ERI1: variants seen among roughly 807,000 people sequenced by gnomAD.
ERI1 encodes the protein exoribonuclease 1.
A neutral mutation model predicts 39.7 loss-of-function variants in ERI1; 39 were observed. That is an observed-to-expected ratio of 0.98 (90% CI 0.76 to 1.28). The LOEUF is 1.28. Ranked by LOEUF, ERI1 falls within the 50% of genes most tolerant of loss-of-function variation. The pLI is 0.00. For missense variants in ERI1, 581 were observed against 416.9 expected, an observed-to-expected ratio of 1.39 and a Z score of -3.43; for synonymous variants, 204 against 149.6, an observed-to-expected ratio of 1.36 and a Z score of -2.65.
chr8:9,010,839 A>ATAT (rs1315872673), intron 2 of ERI1, among the ~76,000 whole-genome samples: 2 of 152,194 alleles, frequency 1.3e-5, no homozygotes, highest in African/African-American at 4.8e-5. Flanking sequence ...TGTGGAATGT[A>ATAT]TATTTTAAAG....
intron 3 of ERI1, among the ~76,000 whole-genome samples, chr8:9,012,984 C>G (rs1007399075): frequency 7.2e-5 from 11 of 151,928 alleles, no homozygotes; most frequent in African/African-American, 2.7e-4. Flanking sequence ...TCATCTTTGA[C>G]CTTTACCCTA....
chr8:9,006,763 C>A (rs901817954), intron 1 of ERI1, among the ~76,000 whole-genome samples: 7 of 152,106 alleles, frequency 4.6e-5, no homozygotes, highest in African/African-American at 1.2e-4. Context: ...AACTGCTGAC[C>A]TCTTCCTCAA....
At position 9,020,422 on chromosome 8, in the gene ERI1, A is replaced by C. The variant is rs749777490; in HGVS notation, c.765A>C (p.Lys255Asn). 1.9e-5 allele frequency: 30 copies of C among 1,607,858 alleles called. No homozygotes were observed. The highest frequency in any genetic ancestry group is 1.9e-5 in the Non-Finnish European group (22 of 1,177,580). ...GGCTCAAATACCCTCCTTTTGCGAA[A>C]AAGTGGATCAATATTCGGAAGTCAT... The part of the protein sequence containing the change: ...LSRLKYPPFA[K>N]KWINIRKSYG... The change falls in exon 6 of 7, where the codon AAA becomes AAC. Residue 255 changes from lysine to asparagine, a missense_variant. Physicochemically the swap from Lys to Asn is moderately conservative, Grantham distance 94. Transcript: ENST00000250263.
At chr8:9,071,094 GA>G (rs1334516919) in intron 3 of ERI1, among the ~76,000 whole-genome samples, 1 of 152,168 alleles carries the variant, frequency 6.6e-6, no homozygotes, top group Non-Finnish European at 1.5e-5. Flanking sequence ...GGCCTGTTTG[GA>G]AAGAGAACTG....
chr8:9,085,126 T>G (rs983142653), intron 3 of ERI1, among the ~76,000 whole-genome samples: 1 of 152,188 alleles, frequency 6.6e-6, no homozygotes, highest in Non-Finnish European at 1.5e-5. Flanking sequence ...CCCTAGGTGA[T>G]TTACATCAGC....
intron 3 of ERI1, among the ~76,000 whole-genome samples, chr8:9,050,478 G>C (rs1400409321): frequency 6.8e-6 from 1 of 147,388 alleles, no homozygotes; most frequent in East Asian, 2.0e-4. Flanking sequence ...TTACACTCCA[G>C]CCTGGGCAAC....
chr8:9,087,993 A>T (rs929720580), intron 3 of ERI1, among the ~76,000 whole-genome samples: 1 of 152,206 alleles, frequency 6.6e-6, no homozygotes, highest in Non-Finnish European at 1.5e-5. Context: ...TGGCAGATTT[A>T]AAAAGAATGG....
chr8:9,066,075 C>T (rs1900102), intron 3 of ERI1, among the ~76,000 whole-genome samples: 92,079 of 152,012 alleles, frequency 0.61, 28,305 homozygotes, highest in South Asian at 0.76. Context: ...ACTATCTTCT[C>T]TATCTGCAGT....
Position 9,011,596 on chromosome 8 carries a change from G to T in ERI1, c.342G>T (p.Lys114Asn), listed in dbSNP as rs751267957. The part of the protein sequence containing the change: ...KRLKNYYKKQ[K>N]LMLKESNFAD... ...TGAAAAACTATTATAAGAAGCAGAAGCTGATGCTGAAAGAGAGCAATTTTG... is the reference window on the plus strand; with the variant it reads ...TGAAAAACTATTATAAGAAGCAGAATCTGATGCTGAAAGAGAGCAATTTTG... Residue 114 changes from lysine (K) to asparagine (N), a missense_variant, in exon 3 of 7, where the codon AAG (lysine) becomes AAT (asparagine). Coordinates refer to ENST00000250263, the MANE Select transcript of ERI1 (RefSeq NM_153332.4). 1.2e-6 allele frequency: 2 copies of T among 1,613,492 alleles called. No homozygotes were observed. The highest frequency in any genetic ancestry group is 1.7e-6 in the Non-Finnish European group (2 of 1,179,632).
chr8:9,003,259 C>T lies in ERI1; in HGVS notation c.108+88C>T, dbSNP rs995456267. Reference sequence around the variant, plus strand: ...CACCCCTTTCTTCTCAGGTGTCCCGCAGAAGGTGCAGCTGTGCGCCCTTGG... The same window carrying T: ...CACCCCTTTCTTCTCAGGTGTCCCGTAGAAGGTGCAGCTGTGCGCCCTTGG... On this transcript the variant is annotated intron_variant, in intron 1 of 6. Transcript: ENST00000250263. 7 of 781,100 alleles carry T rather than the reference C, an allele frequency of 9.0e-6. No homozygotes were observed. The East Asian group carries it at 1.3e-4, about 15-fold the overall frequency. The allele number at this position is 781,100 out of a possible 1,614,324, so 48.4% of individuals were successfully genotyped here.
chr8:9,051,620 G>T (rs1798357732), intron 3 of ERI1, among the ~76,000 whole-genome samples: 1 of 151,184 alleles, frequency 6.6e-6, no homozygotes, highest in Non-Finnish European at 1.5e-5. Context: ...CTGTACCACT[G>T]CACTCCAGGC....
intron 3 of ERI1, among the ~76,000 whole-genome samples, chr8:9,012,559 A>G (rs1413303413): frequency 2.6e-5 from 4 of 152,210 alleles, no homozygotes; most frequent in Admixed American, 6.5e-5. Context: ...GCCTATTTCT[A>G]TAATTTTCTT....
chr8:9,003,721 CTTAG>C (rs1158512833), intron 1 of ERI1, among the ~76,000 whole-genome samples: 5 of 152,196 alleles, frequency 3.3e-5, no homozygotes, highest in South Asian at 2.1e-4. Context: ...ATCGGTTGAA[CTTAG>C]TTACAGTGGC....
At chr8:9,078,494 T>A (rs1169891919) in intron 3 of ERI1, among the ~76,000 whole-genome samples, 1 of 152,162 alleles carries the variant, frequency 6.6e-6, no homozygotes, top group Non-Finnish European at 1.5e-5. Context: ...ACTCAAGTTT[T>A]TTAACCCAAA....
intron 3 of ERI1, among the ~76,000 whole-genome samples, chr8:9,079,600 G>A (rs1799311096): frequency 2.0e-5 from 3 of 152,184 alleles, no homozygotes; most frequent in Non-Finnish European, 2.9e-5. Flanking sequence ...TAGTTTAGCC[G>A]AAGTGAGGAC....
intron 3 of ERI1, among the ~76,000 whole-genome samples, chr8:9,080,739 C>T (rs1396967702): frequency 6.6e-6 from 1 of 152,130 alleles, no homozygotes; most frequent in Non-Finnish European, 1.5e-5. Context: ...TCTTCATTTG[C>T]CCCTCCCCCA....
Position 9,029,936 on chromosome 8 carries a change from A to C in ERI1, c.952A>C (p.Ile318Leu), listed in dbSNP as rs748152223. The change falls in exon 7 of 7, where the codon ATC becomes CTC. Residue 318 changes from isoleucine (I) to leucine (L), a missense_variant. Transcript: ENST00000250263. Reference sequence around the variant, plus strand: ...GCTTCAGGATGGGTGTGAACTCCGAATCAACGAGAAAATGCATGCAGGACA... The same window carrying C: ...GCTTCAGGATGGGTGTGAACTCCGACTCAACGAGAAAATGCATGCAGGACA... ...RMLQDGCELR[I>L]NEKMHAGQLM... 1.2e-6 allele frequency: 2 copies of C among 1,614,158 alleles called. No homozygotes were observed. Among genetic ancestry groups the C allele is most frequent in the South Asian group, 2.2e-5 (2 of 91,088 alleles).
At chr8:9,011,221 A>G (rs948209150) in intron 2 of ERI1, among the ~76,000 whole-genome samples, 1 of 152,184 alleles carries the variant, frequency 6.6e-6, no homozygotes, top group Admixed American at 6.5e-5. Context: ...TATATAAGGC[A>G]GTATGACGAC....
At chr8:9,096,734 T>TC (rs72202027) in intron 3 of ERI1, 1 of 121,674 alleles carries the variant, frequency 8.2e-6, no homozygotes, top group Non-Finnish European at 1.8e-5. Context: ...TTTTTTTTTT[T>TC]CTTTTCAGAC....
Sources: allele counts gnomAD v4.1 joint callset (sites outside exome capture counted in the v4.1 genomes callset), GRCh38; gene constraint gnomAD v4.1.1; transcripts MANE v1.5; gene names NCBI Gene and HGNC (gene_info 2026-07-23, HGNC 2026-07-21).